Variants in GRIP1 observed in about 807,000 individuals in gnomAD.
GRIP1 encodes the protein glutamate receptor-interacting protein 1.
Under a neutral mutation model 129.9 loss-of-function variants are expected in GRIP1, and 45 were observed. The ratio of observed to expected loss-of-function variants is 0.35; its 90% CI spans 0.27 to 0.44. GRIP1 has a LOEUF of 0.44. Ranked by LOEUF, GRIP1 falls within the 20% of genes least tolerant of loss-of-function variation. The pLI is 1.00. For missense variants in GRIP1, 1,196 were observed against 1,396.8 expected, an observed-to-expected ratio of 0.86 and a Z score of 2.29; for synonymous variants, 530 against 520.8, an observed-to-expected ratio of 1.02 and a Z score of -0.24.
chr12:66,987,726 T>C (rs1052788715), intron 1 of GRIP1, among the ~76,000 whole-genome samples: 7 of 152,194 alleles, frequency 4.6e-5, no homozygotes, highest in African/African-American at 1.7e-4. Context: ...AAGGCCACAG[T>C]GTGTCACCAA....
At chr12:66,352,036 A>G (rs1565656021) in intron 24 of GRIP1, among the ~76,000 whole-genome samples, 1 of 152,204 alleles carries the variant, frequency 6.6e-6, no homozygotes, top group Non-Finnish European at 1.5e-5. Flanking sequence ...GAAAGAGTAT[A>G]TAAGGCTCAG....
intron 1 of GRIP1, among the ~76,000 whole-genome samples, chr12:66,774,761 T>C (rs984394998): frequency 4.2e-4 from 64 of 152,228 alleles, no homozygotes; most frequent in African/African-American, 1.5e-3. Context: ...ATGTACTGTT[T>C]GGAGAGTGCT....
chr12:66,420,012 G>A (rs779660598), intron 15 of GRIP1, among the ~76,000 whole-genome samples: 9 of 152,242 alleles, frequency 5.9e-5, no homozygotes, highest in South Asian at 2.1e-4. Context: ...CAGGAGAATC[G>A]CTTGAACCCA....
chr12:66,672,813 T>G (rs577995537), intron 1 of GRIP1, among the ~76,000 whole-genome samples: 429 of 152,290 alleles, frequency 2.8e-3, no homozygotes, highest in Non-Finnish European at 4.9e-3. Context: ...AGTAGAAAAT[T>G]AAATCATTTT....
intron 1 of GRIP1, among the ~76,000 whole-genome samples, chr12:66,864,876 C>T (rs1292233987): frequency 6.6e-6 from 1 of 152,108 alleles, no homozygotes; most frequent in Non-Finnish European, 1.5e-5. Context: ...AGTCCACTGG[C>T]TGGAACTGTT....
chr12:66,622,321 A>G (rs1356427215), intron 1 of GRIP1, among the ~76,000 whole-genome samples: 1 of 152,120 alleles, frequency 6.6e-6, no homozygotes, highest in African/African-American at 2.4e-5. Flanking sequence ...GTACAAAAAT[A>G]TAGATAGAAT....
At chr12:66,402,539 G>T (rs1451362530) in intron 16 of GRIP1, among the ~76,000 whole-genome samples, 3 of 152,184 alleles carry the variant, frequency 2.0e-5, no homozygotes, top group African/African-American at 7.2e-5. Context: ...AACCCCAATT[G>T]CAGTACAAGC....
At chr12:67,015,140 GT>G (rs1337864376) in intron 1 of GRIP1, among the ~76,000 whole-genome samples, 1 of 152,098 alleles carries the variant, frequency 6.6e-6, no homozygotes, top group Non-Finnish European at 1.5e-5. Context: ...CGAGGAAGAC[GT>G]GCACATACAC....
At chr12:66,424,003 C>G (rs1439815380) in intron 14 of GRIP1, among the ~76,000 whole-genome samples, 1 of 152,230 alleles carries the variant, frequency 6.6e-6, no homozygotes, top group African/African-American at 2.4e-5. Flanking sequence ...AGTACTGCCT[C>G]TTTCCCATTC....
chr12:66,519,126 T>C (rs904166009), intron 5 of GRIP1, among the ~76,000 whole-genome samples: 1 of 151,506 alleles, frequency 6.6e-6, no homozygotes, highest in East Asian at 1.9e-4. Context: ...GGTCAACTTA[T>C]AGAAAATAGC....
At chr12:66,967,877 G>A (rs4277193) in intron 1 of GRIP1, among the ~76,000 whole-genome samples, 106,019 of 152,014 alleles carry the variant, frequency 0.7, 37,867 homozygotes, top group African/African-American at 0.85. Flanking sequence ...CTATCTTGGT[G>A]AATTTCCATG....
intron 1 of GRIP1, among the ~76,000 whole-genome samples, chr12:66,885,242 G>C (rs2040545966): frequency 6.6e-6 from 1 of 152,184 alleles, no homozygotes; most frequent in South Asian, 2.1e-4. Context: ...GGCTGCCACA[G>C]AGAAGAAATG....
intron 1 of GRIP1, among the ~76,000 whole-genome samples, chr12:66,715,149 C>G (rs888537594): frequency 3.9e-5 from 6 of 152,064 alleles, no homozygotes; most frequent in African/African-American, 1.4e-4. Flanking sequence ...AAATCTTCAA[C>G]TATTTTCTAC....
At chr12:66,501,674 C>A (rs1010954933) in intron 7 of GRIP1, among the ~76,000 whole-genome samples, 3 of 152,096 alleles carry the variant, frequency 2.0e-5, no homozygotes, top group Admixed American at 6.6e-5. Flanking sequence ...GAGATCGCCT[C>A]CCCTGACAGA....
chr12:66,903,679 T>A (rs894429937), intron 1 of GRIP1, among the ~76,000 whole-genome samples: 3 of 152,212 alleles, frequency 2.0e-5, no homozygotes, highest in African/African-American at 7.2e-5. Context: ...TAAAGTCTAT[T>A]TGTTGAATGT....
intron 1 of GRIP1, among the ~76,000 whole-genome samples, chr12:66,945,818 C>T: frequency 6.6e-6 from 1 of 152,206 alleles, no homozygotes; most frequent in East Asian, 1.9e-4. Context: ...CTCAAACCTC[C>T]ATTCCACATC....
At position 66,456,304 on chromosome 12, in the gene GRIP1, A is replaced by G. The variant is rs1408055180; in HGVS notation, c.1081T>C (p.Ser361Pro). The change falls in exon 10 of 25, where the codon TCC becomes CCC. Residue 361 changes from serine (S) to proline (P), a missense_variant. Around this residue, in one of 5 missense-constraint regions of GRIP1, gnomAD observed 508 missense variants for 587.0 expected, o/e 0.87. Coordinates refer to ENST00000359742, the MANE Select transcript of GRIP1 (RefSeq NM_001366722.1). ...QRSDRQLTWD[S>P]WASNHSSLHT... ...AGGCTGCTGTGGTTGCTGGCCCAGG[A>G]ATCCCAGGTAAGTTGCCTGTCGCTC... 112 of 1,289,530 alleles carry G rather than the reference A, an allele frequency of 8.7e-5. No homozygotes were observed. The highest frequency in any genetic ancestry group is 1.1e-4 in the Non-Finnish European group (111 of 988,548). 79.9% of individuals were successfully genotyped at this position (1,289,530 alleles called of 1,614,324 possible). A position where few individuals can be genotyped will look rare whatever the true frequency, so the allele number is the denominator to read the frequency against.
intron 7 of GRIP1, among the ~76,000 whole-genome samples, chr12:66,473,755 G>A (rs767085598): frequency 4.1e-4 from 63 of 152,182 alleles, no homozygotes; most frequent in Non-Finnish European, 5.1e-4. Flanking sequence ...CTGTTAGAAG[G>A]AAAACTAACA....
At chr12:66,780,570 TGAAAG>T (rs1174568378) in intron 1 of GRIP1, among the ~76,000 whole-genome samples, 1 of 152,086 alleles carries the variant, frequency 6.6e-6, no homozygotes, top group African/African-American at 2.4e-5. Context: ...AAGATCCAGA[TGAAAG>T]GAAAGGCATA....
Sources: allele counts gnomAD v4.1 joint callset (sites outside exome capture counted in the v4.1 genomes callset), GRCh38; gene constraint gnomAD v4.1.1; regional missense constraint gnomAD v4.1.1; transcripts MANE v1.5; gene names NCBI Gene and HGNC (gene_info 2026-07-23, HGNC 2026-07-21).